SEMA6A: variants seen among roughly 807,000 people sequenced by gnomAD.
SEMA6A encodes the protein semaphorin 6A, also known as semaphorin-6A.
A neutral mutation model predicts 96.8 loss-of-function variants in SEMA6A; 25 were observed. The observed-to-expected ratio is 0.26, with a 90% confidence interval of 0.19 to 0.36. The LOEUF (loss-of-function observed/expected upper bound fraction) is 0.36, where lower values mean the gene tolerates loss of function less well. SEMA6A is among the 10% of genes least tolerant of loss of function. SEMA6A has a pLI of 1.00. For synonymous variants in SEMA6A, 612 were observed against 518.0 expected, an observed-to-expected ratio of 1.18 and a Z score of -2.46; for missense variants, 1,363 against 1,323.1, an observed-to-expected ratio of 1.03 and a Z score of -0.47.
chr5:116,474,306 ACAC>A (rs1404118741), intron 16 of SEMA6A, among the ~76,000 whole-genome samples: 2 of 148,072 alleles, frequency 1.4e-5, no homozygotes, highest in Admixed American at 7.3e-5. Context: ...ACACACACAC[ACAC>A]ATCTTAAAAC....
intron 1 of SEMA6A, among the ~76,000 whole-genome samples, chr5:116,546,514 T>C (rs1212858551): frequency 6.6e-6 from 1 of 152,210 alleles, no homozygotes. Flanking sequence ...CACCTGAAGA[T>C]CTTGTTAAAA....
At chr5:116,470,470 A>C (rs563963549) in intron 17 of SEMA6A, among the ~76,000 whole-genome samples, 73 of 152,318 alleles carry the variant, frequency 4.8e-4, no homozygotes, top group African/African-American at 1.8e-3. Flanking sequence ...TTGAAAGTTA[A>C]CGTTAATGCA....
intron 18 of SEMA6A, among the ~76,000 whole-genome samples, chr5:116,459,055 G>C (rs558977961): frequency 1.3e-5 from 2 of 152,258 alleles, no homozygotes; most frequent in African/African-American, 4.8e-5. Flanking sequence ...TATTAATATA[G>C]TAAAAATAAA....
At position 116,446,264 on chromosome 5, in the gene SEMA6A, ATGTGTGTG is replaced by A. The variant is rs16372; in HGVS notation, c.*341_*348del. 661 of 174,468 alleles carry A rather than the reference ATGTGTGTG, an allele frequency of 3.8e-3. No individual in the cohort carries two copies. Among genetic ancestry groups the A allele is most frequent in the Middle Eastern group, 6.8e-3 (3 of 444 alleles). 10.8% of individuals were successfully genotyped at this position (174,468 alleles called of 1,614,324 possible). On this transcript the variant is annotated 3_prime_UTR_variant, in exon 19 of 19. Transcript: ENST00000343348. The stretch of plus-strand genomic sequence containing the variant: ...GCGTGTGTGTGTATGTGTTGTGTGC[ATGTGTGTG>A]TGTGTGTGTGTGTGGGGGTGGGGGA...
At chr5:116,476,447 C>T (rs1038932985) in intron 15 of SEMA6A, among the ~76,000 whole-genome samples, 5 of 152,018 alleles carry the variant, frequency 3.3e-5, no homozygotes, top group Admixed American at 1.3e-4. Context: ...AATAATCCAC[C>T]GTGTTTGGTT....
intron 11 of SEMA6A, among the ~76,000 whole-genome samples, 166 bp from the exon 12 acceptor site, chr5:116,480,443 A>G (rs1458522784): frequency 2.0e-5 from 3 of 152,148 alleles, no homozygotes; most frequent in African/African-American, 7.2e-5. Flanking sequence ...ATATGCTGAG[A>G]TTTCCTCTGA....
intron 8 of SEMA6A, 147 bp from the exon 9 acceptor site, chr5:116,488,343 C>A: frequency 1.7e-6 from 1 of 576,212 alleles, no homozygotes; most frequent in Non-Finnish European, 3.1e-6. Context: ...TGACTTCACA[C>A]ATGCAAGTGC....
In SEMA6A at chr5:116,488,168, G is replaced by A. The variant is rs1443988163; in HGVS notation, c.684C>T (p.Tyr228=). ...TGAAGAAGAAGTAGATATAATCTCC[G>A]TAATCCACGGCTTGAACAAAGTATG... ...KEPYFVQAVD[Y]GDYIYFFFRE... is the part of the protein sequence containing the mutation. The change falls in exon 9 of 19, where the codon TAC becomes TAT. Residue 228 remains tyrosine (Y), a synonymous_variant. Transcript: ENST00000343348. 2.7e-5 allele frequency: 44 copies of A among 1,611,286 alleles called. No individual in the cohort carries two copies. Among genetic ancestry groups the A allele is most frequent in the South Asian group, 6.6e-5 (6 of 90,414 alleles).
intron 5 of SEMA6A, 177 bp from the exon 6 acceptor site, chr5:116,495,691 T>C: frequency 1.8e-6 from 1 of 558,480 alleles, no homozygotes; most frequent in Non-Finnish European, 3.2e-6. Flanking sequence ...CATCAACGAT[T>C]ACTCTTTCAA....
intron 1 of SEMA6A, among the ~76,000 whole-genome samples, chr5:116,573,511 G>A (rs1436558258): frequency 6.6e-6 from 1 of 152,008 alleles, no homozygotes; most frequent in Non-Finnish European, 1.5e-5. Context: ...ACACTTATTC[G>A]AGCAAACAAA....
At chr5:116,570,479 G>A (rs181600808) in intron 1 of SEMA6A, among the ~76,000 whole-genome samples, 2 of 152,332 alleles carry the variant, frequency 1.3e-5, no homozygotes, top group African/African-American at 4.8e-5. Context: ...ACTCTAGGAG[G>A]ACAGAAAATT....
At chr5:116,467,451 C>G (rs903228058) in intron 18 of SEMA6A, 132 bp downstream of exon 18, 1 of 866,560 alleles carries the variant, frequency 1.2e-6, no homozygotes, top group Non-Finnish European at 1.7e-6. Flanking sequence ...CAGTCTTTTT[C>G]GAGAAACTTT....
intron 1 of SEMA6A, among the ~76,000 whole-genome samples, chr5:116,567,486 G>T (rs887253947): frequency 3.3e-5 from 5 of 152,080 alleles, no homozygotes; most frequent in African/African-American, 1.2e-4. Flanking sequence ...AATACCTTAT[G>T]TTGAATGACT....
At chr5:116,510,540 A>T (rs1187858312) in intron 1 of SEMA6A, among the ~76,000 whole-genome samples, 1 of 152,114 alleles carries the variant, frequency 6.6e-6, no homozygotes, top group Non-Finnish European at 1.5e-5. Flanking sequence ...AGTGTCTTGG[A>T]GACTCTCCAT....
intron 1 of SEMA6A, among the ~76,000 whole-genome samples, chr5:116,541,465 G>C (rs752920293): frequency 6.6e-6 from 1 of 152,096 alleles, no homozygotes; most frequent in Non-Finnish European, 1.5e-5. Flanking sequence ...CCTATACTAA[G>C]AGGTCACTCA....
chr5:116,449,449 C>A, intron 18 of SEMA6A: 1 of 677,094 alleles, frequency 1.5e-6, no homozygotes, highest in Non-Finnish European at 2.7e-6. Flanking sequence ...CTACCCCTTC[C>A]CAAGCCCACA....
At chr5:116,491,379 C>G (rs1202237208) in intron 7 of SEMA6A, among the ~76,000 whole-genome samples, 1 of 152,004 alleles carries the variant, frequency 6.6e-6, no homozygotes, top group South Asian at 2.1e-4. Context: ...AAAGTCCATC[C>G]TACCTTAAAC....
At chr5:116,534,822 A>C (rs1309375545) in intron 1 of SEMA6A, among the ~76,000 whole-genome samples, 6 of 152,192 alleles carry the variant, frequency 3.9e-5, no homozygotes, top group Non-Finnish European at 7.3e-5. Context: ...GTTATTACTG[A>C]ATGAATGAAT....
intron 18 of SEMA6A, among the ~76,000 whole-genome samples, chr5:116,466,378 C>CAAAAA (rs536164347): frequency 1.6e-5 from 1 of 63,946 alleles, no homozygotes; most frequent in Admixed American, 1.8e-4. Flanking sequence ...GACTCCATCT[C>CAAAAA]AAAAAAAAAA....
Sources: allele counts gnomAD v4.1 joint callset (sites outside exome capture counted in the v4.1 genomes callset), GRCh38; gene constraint gnomAD v4.1.1; transcripts MANE v1.5; gene names NCBI Gene and HGNC (gene_info 2026-07-23, HGNC 2026-07-21).